Variants in FAM210A observed in about 807,000 individuals in gnomAD.
The protein encoded by FAM210A is mitochondrial inner membrane scaffold 1.
A neutral mutation model predicts 25.3 loss-of-function variants in FAM210A; 13 were observed. That is an observed-to-expected ratio of 0.51 (90% CI 0.33 to 0.82). The LOEUF (loss-of-function observed/expected upper bound fraction) is 0.82. Ranked by LOEUF, FAM210A falls within the 40% of genes least tolerant of loss-of-function variation. The probability of loss-of-function intolerance (pLI) is 0.02; values close to 1 mark genes in which losing one functional copy is unlikely to be tolerated. For synonymous variants in FAM210A, 125 were observed against 118.7 expected (o/e 1.05, Z -0.35); for missense variants, 319 against 323.2 (o/e 0.99, Z 0.10).
intron 1 of FAM210A, among the ~76,000 whole-genome samples, chr18:13,684,926 A>G (rs1001914427): frequency 1.3e-5 from 2 of 152,250 alleles, no homozygotes; most frequent in African/African-American, 4.8e-5. Flanking sequence ...CCCACTCCCA[A>G]TTATGTGGAA....
At chr18:13,726,032 G>A (rs190125121) in intron 1 of FAM210A, among the ~76,000 whole-genome samples, 2 of 152,352 alleles carry the variant, frequency 1.3e-5, no homozygotes, top group East Asian at 1.9e-4. Flanking sequence ...AAGAAGGGGG[G>A]AGAACACGGT....
intron 1 of FAM210A, among the ~76,000 whole-genome samples, chr18:13,709,292 C>T (rs2043804236): frequency 6.6e-6 from 1 of 152,218 alleles, no homozygotes; most frequent in African/African-American, 2.4e-5. Flanking sequence ...ACCCCCTCCA[C>T]ACACCCCTAC....
At chr18:13,703,150 T>A (rs949226873) in intron 1 of FAM210A, among the ~76,000 whole-genome samples, 1 of 152,238 alleles carries the variant, frequency 6.6e-6, no homozygotes, top group Admixed American at 6.5e-5. Context: ...TGTTTTGCAT[T>A]GCAATATCTA....
chr18:13,717,616 A>C (rs1335606047), intron 1 of FAM210A, among the ~76,000 whole-genome samples: 1 of 152,246 alleles, frequency 6.6e-6, no homozygotes, highest in East Asian at 1.9e-4. Context: ...CTGCCAAAAA[A>C]ATAAAGTACA....
chr18:13,677,028 C>CA (rs2043509851), intron 2 of FAM210A, among the ~76,000 whole-genome samples: 1 of 151,088 alleles, frequency 6.6e-6, no homozygotes, highest in African/African-American at 2.4e-5. Flanking sequence ...ACTCATGTCT[C>CA]AAAAAACTGA....
At chr18:13,672,239 AAT>A (rs1265538030) in intron 2 of FAM210A, among the ~76,000 whole-genome samples, 3 of 152,198 alleles carry the variant, frequency 2.0e-5, no homozygotes, top group African/African-American at 4.8e-5. Context: ...TGTTTAGAAA[AAT>A]AGAGGCAGTT....
At chr18:13,690,938 C>T (rs995704458) in intron 1 of FAM210A, among the ~76,000 whole-genome samples, 1 of 152,090 alleles carries the variant, frequency 6.6e-6, no homozygotes, top group Admixed American at 6.6e-5. Flanking sequence ...TTCAGACGAT[C>T]GGTAATAACA....
At position 13,666,426 on chromosome 18, in the gene FAM210A, T is replaced by C. The variant is rs1601936531; in HGVS notation, c.*54A>G. The C allele has an allele frequency of 3.6e-6, 5 of 1,407,400 alleles. No homozygotes were observed. Among genetic ancestry groups the C allele is most frequent in the East Asian group, 4.6e-5 (2 of 43,512 alleles). 87.2% of individuals were successfully genotyped at this position (1,407,400 alleles called of 1,614,324 possible). A position where few individuals can be genotyped will look rare whatever the true frequency, so the allele number is the denominator to read the frequency against. On this transcript the variant is annotated 3_prime_UTR_variant, in exon 4 of 4. Transcript: ENST00000651643. ...AATCAGACACATGTATCTTTGCCCA[T>C]AGTTTCCAAAGGGTTAAAGTGCAGG...
In FAM210A at chr18:13,666,428, G is replaced by C; in HGVS notation, c.*52C>G. On this transcript the variant is annotated 3_prime_UTR_variant, in exon 4 of 4. Coordinates refer to ENST00000651643, the MANE Select transcript of FAM210A (RefSeq NM_152352.4). ...TCAGACACATGTATCTTTGCCCATA[G>C]TTTCCAAAGGGTTAAAGTGCAGGAA... The C allele has an allele frequency of 7.0e-7, 1 of 1,437,278 alleles. No individual in the cohort carries two copies. Among genetic ancestry groups the C allele is most frequent in the Non-Finnish European group, 9.6e-7 (1 of 1,041,418 alleles). The allele number at this position is 1,437,278 out of a possible 1,614,324, so 89.0% of individuals were successfully genotyped here. A position where few individuals can be genotyped will look rare whatever the true frequency, so the allele number is the denominator to read the frequency against.
intron 2 of FAM210A, among the ~76,000 whole-genome samples, chr18:13,673,773 C>T (rs1424978421): frequency 1.3e-5 from 2 of 150,342 alleles, no homozygotes; most frequent in Admixed American, 6.6e-5. Flanking sequence ...TCCTGAGCCC[C>T]GACTTCATTT....
At chr18:13,669,361 A>G (rs992378200) in intron 3 of FAM210A, among the ~76,000 whole-genome samples, 1 of 152,202 alleles carries the variant, frequency 6.6e-6, no homozygotes, top group Non-Finnish European at 1.5e-5. Context: ...AAGGGCCAAC[A>G]AGGCTGTCCT....
intron 1 of FAM210A, among the ~76,000 whole-genome samples, chr18:13,689,309 G>C (rs571162825): frequency 6.6e-6 from 1 of 152,238 alleles, no homozygotes; most frequent in East Asian, 1.9e-4. Context: ...TCCACTGACT[G>C]TGACACCTAC....
chr18:13,685,898 A>G (rs1202386595), intron 1 of FAM210A, among the ~76,000 whole-genome samples: 2 of 152,202 alleles, frequency 1.3e-5, no homozygotes, highest in Admixed American at 6.5e-5. Context: ...ATCTAAACTC[A>G]ATAAGCTAAG....
At chr18:13,711,248 G>A (rs1331424738) in intron 1 of FAM210A, among the ~76,000 whole-genome samples, 5 of 152,148 alleles carry the variant, frequency 3.3e-5, no homozygotes, top group Admixed American at 6.5e-5. Context: ...GTGGGTGCCT[G>A]TAATCCCAGC....
chr18:13,693,254 A>G (rs1161679254), intron 1 of FAM210A, among the ~76,000 whole-genome samples: 1 of 151,508 alleles, frequency 6.6e-6, no homozygotes, highest in Non-Finnish European at 1.5e-5. Context: ...AGGCAATAAT[A>G]GCCCACCAAC....
intron 1 of FAM210A, among the ~76,000 whole-genome samples, chr18:13,697,280 C>T (rs1383223716): frequency 6.6e-6 from 1 of 152,036 alleles, no homozygotes; most frequent in Non-Finnish European, 1.5e-5. Flanking sequence ...AAGATCTGAA[C>T]AGAGCCCTCA....
chr18:13,675,966 T>C (rs2043495099), intron 2 of FAM210A, among the ~76,000 whole-genome samples: 1 of 24,682 alleles, frequency 4.1e-5, no homozygotes, highest in African/African-American at 1.0e-4. Flanking sequence ...TTATTAACAT[T>C]CCTGAGCCGT....
In FAM210A at chr18:13,681,884, G is replaced by A. The variant is rs200885719; in HGVS notation, c.194C>T (p.Ala65Val). ...WLHLSAAQCV[A>V]KERRPLDAHP... ...AGCATCCAATGGCCTCCTTTCCTTT[G>A]CAACACACTGGGCAGCAGATAAATG... Residue 65 changes from alanine (A) to valine (V), a missense_variant, in exon 2 of 4, where the codon GCA becomes GTA. Physicochemically the swap from Ala to Val is moderately conservative, Grantham distance 64 (BLOSUM62 0). Transcript: ENST00000651643. The A allele has an allele frequency of 3.3e-5, 53 of 1,614,148 alleles. No individual in the cohort carries two copies. In the Admixed American group the frequency reaches 7.8e-4, roughly 24 times the overall value.
At chr18:13,681,215 AGT>A (rs2043550602) in intron 2 of FAM210A, among the ~76,000 whole-genome samples, 1 of 152,214 alleles carries the variant, frequency 6.6e-6, no homozygotes, top group African/African-American at 2.4e-5. Context: ...CATATAGGAG[AGT>A]GTATGCTTTG....
Sources: allele counts gnomAD v4.1 joint callset (sites outside exome capture counted in the v4.1 genomes callset), GRCh38; gene constraint gnomAD v4.1.1; transcripts MANE v1.5; gene names NCBI Gene and HGNC (gene_info 2026-07-23, HGNC 2026-07-21).